DYNC1I1: variants seen among roughly 807,000 people sequenced by gnomAD.
The protein encoded by DYNC1I1 is cytoplasmic dynein 1 intermediate chain 1.
A neutral mutation model predicts 86.6 loss-of-function variants in DYNC1I1; 43 were observed. That is an observed-to-expected ratio of 0.50 (90% CI 0.39 to 0.64). DYNC1I1 has a LOEUF of 0.64. Ranked by LOEUF, DYNC1I1 falls within the 30% of genes least tolerant of loss-of-function variation. DYNC1I1 has a pLI of 0.00. For synonymous variants in DYNC1I1, 262 were observed against 283.7 expected, an observed-to-expected ratio of 0.92 and a Z score of 0.77; for missense variants, 604 against 788.8, an observed-to-expected ratio of 0.77 and a Z score of 2.81.
chr7:96,079,682 C>T lies in DYNC1I1; in HGVS notation c.1651-681C>T, dbSNP rs573513034. 5.9e-5 allele frequency among the ~76,000 whole-genome samples: 9 copies of T among 152,196 alleles called. No homozygotes were observed. In the South Asian group the frequency reaches 1.5e-3, roughly 25 times the overall value. On this transcript the variant is annotated intron_variant, in intron 15 of 16. Coordinates refer to ENST00000447467, the MANE Select transcript of DYNC1I1 (RefSeq NM_001135556.2). ...ATGAGTGGGTGGCTGTATTCTATCA[C>T]GATGTCACCCTGGAGACAGTGCCAA...
intron 7 of DYNC1I1, among the ~76,000 whole-genome samples, chr7:95,982,816 G>C (rs1793489521): frequency 6.6e-6 from 1 of 152,184 alleles, no homozygotes; most frequent in East Asian, 1.9e-4. Flanking sequence ...GGACTTAGTA[G>C]GGTTTGTTCC....
At chr7:95,836,263 T>G (rs1042826306) in intron 5 of DYNC1I1, among the ~76,000 whole-genome samples, 67 of 152,228 alleles carry the variant, frequency 4.4e-4, no homozygotes, top group Non-Finnish European at 9.1e-4. Context: ...AAATTCTGGG[T>G]TGAAAATTCT....
intron 1 of DYNC1I1, 118 bp from the exon 2 acceptor site, chr7:95,804,603 C>G: frequency 8.6e-7 from 1 of 1,159,616 alleles, no homozygotes; most frequent in Non-Finnish European, 1.2e-6. Flanking sequence ...AATACAACCT[C>G]TTGTTGATCA....
intron 1 of DYNC1I1, among the ~76,000 whole-genome samples, chr7:95,784,566 T>G (rs1794079174): frequency 6.6e-6 from 1 of 152,154 alleles, no homozygotes; most frequent in African/African-American, 2.4e-5. Context: ...GGCTGTAAAC[T>G]GGTGAAGGGG....
chr7:96,100,773 A>G (rs774575525), downstream of DYNC1I1, among the ~76,000 whole-genome samples: 4 of 152,026 alleles, frequency 2.6e-5, no homozygotes, highest in Non-Finnish European at 5.9e-5. Flanking sequence ...GCTGTAGCCT[A>G]CATTCACTAG....
At chr7:95,838,783 C>T (rs117404511) in intron 5 of DYNC1I1, among the ~76,000 whole-genome samples, 2 of 151,772 alleles carry the variant, frequency 1.3e-5, no homozygotes, top group East Asian at 3.9e-4. Flanking sequence ...CTTTCTGATG[C>T]TATTATTAGT....
chr7:95,914,599 C>G (rs1021828068), intron 6 of DYNC1I1, among the ~76,000 whole-genome samples: 2 of 152,160 alleles, frequency 1.3e-5, no homozygotes, highest in African/African-American at 4.8e-5. Context: ...TAATAATTAT[C>G]CCTTTGAAAA....
intron 6 of DYNC1I1, among the ~76,000 whole-genome samples, chr7:95,966,698 T>G (rs1793022839): frequency 6.6e-6 from 1 of 152,138 alleles, no homozygotes; most frequent in Non-Finnish European, 1.5e-5. Context: ...CCTCAGTGAG[T>G]TATTATGAGG....
chr7:95,840,600 A>G (rs1181745979), intron 5 of DYNC1I1, among the ~76,000 whole-genome samples: 1 of 152,194 alleles, frequency 6.6e-6, no homozygotes, highest in African/African-American at 2.4e-5. Context: ...TATTTGGAAC[A>G]TATTTTCATT....
intron 5 of DYNC1I1, among the ~76,000 whole-genome samples, chr7:95,860,069 A>T (rs1360314507): frequency 6.6e-6 from 1 of 152,140 alleles, no homozygotes; most frequent in Admixed American, 6.5e-5. Context: ...AGCTCTTATG[A>T]AGGTATTTTC....
chr7:95,880,683 T>C (rs987386529), intron 6 of DYNC1I1, among the ~76,000 whole-genome samples: 4 of 137,680 alleles, frequency 2.9e-5, no homozygotes, highest in African/African-American at 1.1e-4. Context: ...TCTTGCTCTG[T>C]CACCCAGGCT....
intron 4 of DYNC1I1, 140 bp from the exon 5 acceptor site, chr7:95,827,917 G>A: frequency 1.4e-6 from 1 of 717,320 alleles, no homozygotes; most frequent in Admixed American, 2.0e-5. Context: ...CACTGGGGGT[G>A]GAGGGGATGG....
Position 95,964,777 on chromosome 7 carries a change from T to C in DYNC1I1, c.491-12735T>C, listed in dbSNP as rs572539608. 1.3e-4 allele frequency among the ~76,000 whole-genome samples: 20 copies of C among 152,282 alleles called. No homozygotes were observed. The South Asian group carries it at 3.9e-3, about 30-fold the overall frequency. ...GATGGTGGTATGTTGCTATATTAAC[T>C]GGGGTTGGAAGAGGGGAGGCCTCAC... On this transcript the variant is annotated intron_variant, in intron 6 of 16. Transcript: ENST00000447467.
At chr7:95,853,703 T>C (rs1255188352) in intron 5 of DYNC1I1, among the ~76,000 whole-genome samples, 1 of 152,170 alleles carries the variant, frequency 6.6e-6, no homozygotes, top group Non-Finnish European at 1.5e-5. Flanking sequence ...TTAAACCTTA[T>C]GTGTCTTTAT....
intron 1 of DYNC1I1, among the ~76,000 whole-genome samples, chr7:95,785,807 A>G (rs1357853373): frequency 1.7e-5 from 2 of 115,984 alleles, no homozygotes; most frequent in East Asian, 2.4e-4. Flanking sequence ...ATATATATAT[A>G]TATATATATA....
chr7:95,949,181 AAGG>A (rs1792486231), intron 6 of DYNC1I1, among the ~76,000 whole-genome samples: 1 of 152,224 alleles, frequency 6.6e-6, no homozygotes, highest in African/African-American at 2.4e-5. Context: ...GGTCAACAAA[AAGG>A]AGAGTGTGGG....
intron 14 of DYNC1I1, among the ~76,000 whole-genome samples, chr7:96,054,375 A>AT (rs879636888): frequency 3.9e-5 from 6 of 152,182 alleles, no homozygotes; most frequent in Admixed American, 2.0e-4. Flanking sequence ...TTTTCTTTAT[A>AT]CAGTCTATCG....
chr7:95,931,444 C>T (rs553152419), intron 6 of DYNC1I1, among the ~76,000 whole-genome samples: 18 of 152,304 alleles, frequency 1.2e-4, no homozygotes, highest in African/African-American at 3.9e-4. Context: ...CCACTGCGCC[C>T]GGCCTATGAC....
At chr7:96,104,244 AG>A in intron 16 of DYNC1I1, among the ~76,000 whole-genome samples, 1 of 152,210 alleles carries the variant, frequency 6.6e-6, no homozygotes, top group South Asian at 2.1e-4. Flanking sequence ...ATTAATTTAG[AG>A]GAGTTCTTTA....
Sources: gnomAD v4.1 joint callset for allele counts (sites outside exome capture counted in the v4.1 genomes callset) on GRCh38, gnomAD v4.1.1 for gene constraint, MANE v1.5 for transcripts, NCBI Gene and HGNC (gene_info 2026-07-23, HGNC 2026-07-21) for gene names.